Variants in KCNT2 observed in about 807,000 individuals in gnomAD.
The protein encoded by KCNT2 is potassium sodium-activated channel subfamily T member 2.
In KCNT2, 67 loss-of-function variants were observed where a neutral mutation model predicts 153.8. That is an observed-to-expected ratio of 0.44 (90% CI 0.36 to 0.53). The LOEUF is 0.53. Ranked by LOEUF, KCNT2 falls within the 20% of genes least tolerant of loss-of-function variation. The pLI, the probability that KCNT2 is intolerant of heterozygous loss-of-function variation, is 0.00. For missense variants in KCNT2, 975 were observed against 1,354.8 expected, an observed-to-expected ratio of 0.72 and a Z score of 4.40; for synonymous variants, 500 against 458.8, an observed-to-expected ratio of 1.09 and a Z score of -1.15.
At chr1:196,423,717 T>G (rs528305378) in intron 11 of KCNT2, among the ~76,000 whole-genome samples, 1 of 127,946 alleles carries the variant, frequency 7.8e-6, no homozygotes, top group East Asian at 2.4e-4. Flanking sequence ...TGGTTCTCTG[T>G]GATAAAGTAA....
At chr1:196,290,835 T>C (rs1239739393) in intron 22 of KCNT2, among the ~76,000 whole-genome samples, 6 of 152,080 alleles carry the variant, frequency 3.9e-5, no homozygotes, top group Admixed American at 2.0e-4. Context: ...TTCCCCATAA[T>C]GTCTCTTTTC....
chr1:196,489,961 G>A (rs745706670), intron 2 of KCNT2, 24 bp from the exon 3 acceptor site: 3 of 1,126,714 alleles, frequency 2.7e-6, no homozygotes, highest in Non-Finnish European at 3.8e-6. Flanking sequence ...ATAAAAGTTT[G>A]ATTTTCATCT....
chr1:196,521,093 G>GA (rs1486424642), intron 1 of KCNT2, among the ~76,000 whole-genome samples: 3 of 151,820 alleles, frequency 2.0e-5, no homozygotes, highest in African/African-American at 4.8e-5. Context: ...AAATTTACTA[G>GA]AAAAAAGAAA....
intron 12 of KCNT2, among the ~76,000 whole-genome samples, chr1:196,403,654 G>A (rs1194773012): frequency 6.6e-6 from 1 of 151,224 alleles, no homozygotes; most frequent in Non-Finnish European, 1.5e-5. Context: ...TAGGGGGAGA[G>A]GAGTGTAGGG....
intron 1 of KCNT2, among the ~76,000 whole-genome samples, chr1:196,570,067 T>TAAAAAAAAAAAAAAAAAAAAA (rs199836975): frequency 3.0e-5 from 4 of 133,742 alleles, no homozygotes; most frequent in South Asian, 2.2e-4. Flanking sequence ...TGAGCTAGAG[T>TAAAAAAAAAAAAAAAAAAAAA]AAAAAAAAAA....
intron 22 of KCNT2, among the ~76,000 whole-genome samples, chr1:196,290,969 C>G (rs996231000): frequency 6.6e-6 from 1 of 152,092 alleles, no homozygotes; most frequent in Admixed American, 6.6e-5. Flanking sequence ...ACTCCAAAGA[C>G]TCAGCATTCA....
chr1:196,571,844 C>T (rs1251833264), intron 1 of KCNT2, among the ~76,000 whole-genome samples: 1 of 152,000 alleles, frequency 6.6e-6, no homozygotes, highest in Non-Finnish European at 1.5e-5. Context: ...TTTCATGAAA[C>T]AGAAATATCA....
intron 18 of KCNT2, among the ~76,000 whole-genome samples, chr1:196,327,578 C>T (rs982505411): frequency 6.6e-6 from 1 of 151,676 alleles, no homozygotes; most frequent in Non-Finnish European, 1.5e-5. Context: ...TGCTATTTTA[C>T]CTTTATATGT....
chr1:196,423,064 CCACTT>C lies in KCNT2; in HGVS notation c.1166_1170del (p.Glu389GlyfsTer2). The C allele has an allele frequency of 6.3e-7, 1 of 1,599,046 alleles. No homozygotes were observed. The highest frequency in any genetic ancestry group is 8.5e-7 in the Non-Finnish European group (1 of 1,170,234). On this transcript the variant is annotated frameshift_variant, in exon 12 of 28. Transcript: ENST00000294725. LOFTEE classifies it high-confidence loss of function. ...TAGAAACTTACAGATGATGTCCTAT[CCACTT>C]CACAACGGCTACTGAGAATAAAACA...
chr1:196,578,899 CTTTA>C (rs1246275950), intron 1 of KCNT2, among the ~76,000 whole-genome samples: 1 of 152,030 alleles, frequency 6.6e-6, no homozygotes, highest in African/African-American at 2.4e-5. Context: ...ATTATAAAGA[CTTTA>C]TTTTTTAGAC....
intron 1 of KCNT2, among the ~76,000 whole-genome samples, chr1:196,583,864 G>A (rs886375373): frequency 6.6e-6 from 1 of 151,986 alleles, no homozygotes; most frequent in Non-Finnish European, 1.5e-5. Flanking sequence ...AAAAATGGGT[G>A]GAAAGCATGG....
intron 26 of KCNT2, among the ~76,000 whole-genome samples, chr1:196,244,459 G>A (rs780497796): frequency 1.2e-4 from 18 of 152,058 alleles, no homozygotes; most frequent in Non-Finnish European, 1.6e-4. Context: ...TGGGCCAAAG[G>A]GGTGCCTACT....
rs181948442 is a variant in KCNT2, at chr1:196,453,588, T to A, written c.638+11705A>T. On this transcript the variant is annotated intron_variant, in intron 8 of 27. Coordinates refer to ENST00000294725, the MANE Select transcript of KCNT2 (RefSeq NM_198503.5). ...AGTCTGACTTCTCAGATTGTTGTTTTAATGTTTTCACATTAATCTTTCCTT... is the reference window on the plus strand; with the variant it reads ...AGTCTGACTTCTCAGATTGTTGTTTAAATGTTTTCACATTAATCTTTCCTT... 3.2e-3 allele frequency among the ~76,000 whole-genome samples: 491 copies of A among 152,096 alleles called. 5 individuals carry two copies. The highest frequency in any genetic ancestry group is 0.011 in the African/African-American group (471 of 41,540).
chr1:196,480,280 T>C (rs1295617900), intron 4 of KCNT2, among the ~76,000 whole-genome samples: 2 of 152,170 alleles, frequency 1.3e-5, no homozygotes, highest in Non-Finnish European at 2.9e-5. Context: ...GCAGATACCC[T>C]GGAGATTACA....
intron 1 of KCNT2, among the ~76,000 whole-genome samples, chr1:196,526,759 GT>G (rs1017730018): frequency 2.0e-5 from 3 of 151,800 alleles, no homozygotes; most frequent in Non-Finnish European, 2.9e-5. Context: ...CCACTATGTA[GT>G]TTTTTTTGGA....
rs775557130 is a variant in KCNT2, at chr1:196,282,262, T to A, written c.2781+11A>T. 1 of 1,471,224 alleles carries A rather than the reference T, an allele frequency of 6.8e-7. No homozygotes were observed. The highest frequency in any genetic ancestry group is 9.5e-7 in the Non-Finnish European group (1 of 1,052,948). 91.1% of individuals were successfully genotyped at this position (1,471,224 alleles called of 1,614,324 possible). On this transcript the variant is annotated intron_variant, in intron 24 of 27. Coordinates refer to ENST00000294725, the MANE Select transcript of KCNT2 (RefSeq NM_198503.5). ...CACAACTATCTTTTATTCTAGAGAT[T>A]ATTAACTTACAGAACAAAGAAACCC...
intron 14 of KCNT2, among the ~76,000 whole-genome samples, chr1:196,349,171 T>C (rs1168656613): frequency 2.0e-5 from 3 of 152,148 alleles, no homozygotes; most frequent in African/African-American, 7.2e-5. Context: ...GGAAAGGATA[T>C]TGGAAGACAA....
chr1:196,286,153 A>T (rs1424125901), intron 22 of KCNT2, among the ~76,000 whole-genome samples: 1 of 152,080 alleles, frequency 6.6e-6, no homozygotes, highest in Non-Finnish European at 1.5e-5. Flanking sequence ...TGAGAACAAA[A>T]AAATAGGGAG....
intron 25 of KCNT2, among the ~76,000 whole-genome samples, chr1:196,279,593 T>C (rs1357651985): frequency 6.6e-6 from 1 of 151,514 alleles, no homozygotes; most frequent in African/African-American, 2.4e-5. Context: ...TGACTAATTT[T>C]TGTATTTTTT....
Sources: allele counts gnomAD v4.1 joint callset (sites outside exome capture counted in the v4.1 genomes callset), GRCh38; gene constraint gnomAD v4.1.1; transcripts MANE v1.5; gene names NCBI Gene and HGNC (gene_info 2026-07-23, HGNC 2026-07-21).